PDE11A: variants seen among roughly 807,000 people sequenced by gnomAD.
PDE11A encodes the protein dual 3',5'-cyclic-AMP and -GMP phosphodiesterase 11A.
In PDE11A, 100 loss-of-function variants were observed where a neutral mutation model predicts 100.5. The observed-to-expected ratio is 1.00, with a 90% CI of 0.85 to 1.18. The LOEUF is 1.18. Among genes scored for constraint, PDE11A ranks in the 50% most tolerant of loss-of-function variants. The probability of loss-of-function intolerance (pLI) is 0.00; values close to 1 mark genes in which losing one functional copy is unlikely to be tolerated. For missense variants in PDE11A, 1,141 were observed against 1,152.6 expected (o/e 0.99, Z 0.15); for synonymous variants, 381 against 420.8 (o/e 0.91, Z 1.16).
At chr2:178,079,146 T>A (rs1574387644) in intron 2 of PDE11A, among the ~76,000 whole-genome samples, 1 of 152,320 alleles carries the variant, frequency 6.6e-6, no homozygotes, top group East Asian at 1.9e-4. Flanking sequence ...CAACAGATTC[T>A]TTTTTTCTTC....
At chr2:177,904,330 A>G (rs2084744853) in intron 3 of PDE11A, among the ~76,000 whole-genome samples, 1 of 152,176 alleles carries the variant, frequency 6.6e-6, no homozygotes, top group East Asian at 1.9e-4. Context: ...TATCTAGTGA[A>G]GGGCACTTTC....
chr2:178,023,929 T>C (rs550546633), intron 1 of PDE11A, among the ~76,000 whole-genome samples: 13 of 152,248 alleles, frequency 8.5e-5, no homozygotes, highest in Middle Eastern at 3.4e-3. Flanking sequence ...TAGACATACA[T>C]AGGAATAGAA....
intron 6 of PDE11A, among the ~76,000 whole-genome samples, chr2:177,831,273 C>T (rs2083304035): frequency 6.6e-6 from 1 of 152,224 alleles, no homozygotes; most frequent in African/African-American, 2.4e-5. Flanking sequence ...GTTTACATCA[C>T]ATTAAAGACA....
At chr2:177,949,838 G>A (rs1303940337) in intron 2 of PDE11A, among the ~76,000 whole-genome samples, 1 of 152,144 alleles carries the variant, frequency 6.6e-6, no homozygotes, top group Admixed American at 6.6e-5. Flanking sequence ...AGCTTTCACA[G>A]CTTTTCTACT....
chr2:177,705,291 T>A (rs10497490), intron 13 of PDE11A, among the ~76,000 whole-genome samples: 2,607 of 152,158 alleles, frequency 0.017, 69 homozygotes, highest in African/African-American at 0.059. Context: ...CACACCTCAT[T>A]TTAATTGTTT....
chr2:178,049,800 G>A lies in PDE11A; in HGVS notation c.912+21726C>T, dbSNP rs184938254. ...AACTGCAAGGCAGCAGCGAGGCTTG[G>A]GGAGTGGTGCCCGCCATTGCTGAGG... On this transcript the variant is annotated intron_variant, in intron 1 of 19. Transcript: ENST00000286063. Among the ~76,000 whole-genome samples the A allele has an allele frequency of 1.7e-3, 263 of 152,264 alleles. 1 individual carries two copies. The highest frequency in any genetic ancestry group is 6.1e-3 in the African/African-American group (252 of 41,552).
chr2:177,707,899 C>A (rs989855731), intron 13 of PDE11A, among the ~76,000 whole-genome samples: 6 of 152,196 alleles, frequency 3.9e-5, no homozygotes, highest in African/African-American at 1.4e-4. Context: ...ACTGAAAAGG[C>A]TCTGACTCTT....
intron 19 of PDE11A, among the ~76,000 whole-genome samples, chr2:177,639,793 AGATGTGG>A (rs2080111863): frequency 6.6e-6 from 1 of 152,166 alleles, no homozygotes; most frequent in African/African-American, 2.4e-5. Flanking sequence ...TAGATAGGGC[AGATGTGG>A]GACAAGGGAG....
At chr2:177,789,672 A>G (rs1046567166) in intron 9 of PDE11A, among the ~76,000 whole-genome samples, 2 of 152,186 alleles carry the variant, frequency 1.3e-5, no homozygotes, top group Non-Finnish European at 2.9e-5. Context: ...TCTTAAGGTG[A>G]TAAGCAACTT....
At chr2:177,650,523 A>C (rs897594525) in intron 19 of PDE11A, among the ~76,000 whole-genome samples, 3 of 152,070 alleles carry the variant, frequency 2.0e-5, no homozygotes, top group African/African-American at 7.2e-5. Context: ...CTGTTCTTGG[A>C]GGCATCTTGG....
intron 2 of PDE11A, among the ~76,000 whole-genome samples, chr2:177,923,806 T>C (rs1461313516): frequency 1.3e-5 from 2 of 152,200 alleles, no homozygotes; most frequent in Non-Finnish European, 2.9e-5. Context: ...TTAGATTTCA[T>C]AAAATTTGAA....
At chr2:178,083,607 G>A (rs1194969095) in intron 2 of PDE11A, among the ~76,000 whole-genome samples, 1 of 152,308 alleles carries the variant, frequency 6.6e-6, no homozygotes, top group Non-Finnish European at 1.5e-5. Flanking sequence ...ACCCCTACCA[G>A]AAAGTGTCTG....
At chr2:178,103,261 T>A (rs1190127811) in intron 2 of PDE11A, among the ~76,000 whole-genome samples, 1 of 152,088 alleles carries the variant, frequency 6.6e-6, no homozygotes, top group Non-Finnish European at 1.5e-5. Context: ...GTGAAAGAAG[T>A]CAGACACAAA....
chr2:177,808,072 G>A (rs2082899445), intron 9 of PDE11A, among the ~76,000 whole-genome samples: 1 of 152,162 alleles, frequency 6.6e-6, no homozygotes, highest in Non-Finnish European at 1.5e-5. Context: ...AGATATATTT[G>A]AGAAACACAA....
intron 10 of PDE11A, among the ~76,000 whole-genome samples, chr2:177,744,693 C>T (rs185221730): frequency 8.7e-4 from 132 of 152,280 alleles, no homozygotes; most frequent in Admixed American, 5.9e-3. Context: ...GCATGCATTG[C>T]CATGTGACCC....
chr2:177,913,359 C>T (rs534368696), intron 2 of PDE11A, among the ~76,000 whole-genome samples: 96 of 152,156 alleles, frequency 6.3e-4, no homozygotes, highest in African/African-American at 2.2e-3. Context: ...TTTTCTGTAC[C>T]GGGCAATATT....
chr2:177,673,932 G>A (rs2080726028), intron 17 of PDE11A, among the ~76,000 whole-genome samples: 1 of 152,140 alleles, frequency 6.6e-6, no homozygotes, highest in East Asian at 1.9e-4. Context: ...TGTTCCTTCA[G>A]CCCCAATACA....
At chr2:178,094,416 C>T (rs1393264825) in intron 2 of PDE11A, among the ~76,000 whole-genome samples, 5 of 152,028 alleles carry the variant, frequency 3.3e-5, no homozygotes, top group African/African-American at 1.2e-4. Flanking sequence ...TCCGGGGTCC[C>T]AGCTACTCAG....
Position 177,701,211 on chromosome 2 carries a change from C to A in PDE11A, c.2154G>T (p.Lys718Asn). Residue 718 changes from lysine to asparagine, a missense_variant and splice_region_variant, in exon 14 of 20, where the codon AAG (lysine) becomes AAT (asparagine). Coordinates refer to ENST00000286063, the MANE Select transcript of PDE11A (RefSeq NM_016953.4). The part of the protein sequence containing the change: ...HRGTNNAFQA[K>N]SGSALAQLYG... The stretch of plus-strand genomic sequence containing the variant: ...AGAGTTGGGCCAGGGCAGAGCCACT[C>A]CTGAAAGAGGACAGAGGGTGAGTGA... 2 of 1,518,150 alleles carry A rather than the reference C, an allele frequency of 1.3e-6. No individual in the cohort carries two copies. The highest frequency in any genetic ancestry group is 1.8e-6 in the Non-Finnish European group (2 of 1,092,604). 94.0% of individuals were successfully genotyped at this position (1,518,150 alleles called of 1,614,324 possible).
Sources: allele counts gnomAD v4.1 joint callset (sites outside exome capture counted in the v4.1 genomes callset), GRCh38; gene constraint gnomAD v4.1.1; transcripts MANE v1.5; gene names NCBI Gene and HGNC (gene_info 2026-07-23, HGNC 2026-07-21).